CMSS1: variants seen among roughly 807,000 people sequenced by gnomAD.
CMSS1 encodes the protein protein CMSS1.
Under a neutral mutation model 43.5 loss-of-function variants are expected in CMSS1, and 33 were observed. That is an observed-to-expected ratio of 0.76 (90% CI 0.57 to 1.01). CMSS1 has a LOEUF of 1.01. Among genes scored for constraint, CMSS1 ranks in the 50% least tolerant of loss-of-function variants. CMSS1 has a pLI of 0.00. For synonymous variants in CMSS1, 115 were observed against 117.2 expected, an observed-to-expected ratio of 0.98 and a Z score of 0.12; for missense variants, 313 against 326.4, an observed-to-expected ratio of 0.96 and a Z score of 0.32.
intron 1 of CMSS1, among the ~76,000 whole-genome samples, chr3:100,141,045 T>G (rs1410502973): frequency 6.6e-6 from 1 of 152,210 alleles, no homozygotes; most frequent in Admixed American, 6.5e-5. Flanking sequence ...CTTACAGTTT[T>G]ATATTTTTTA....
In CMSS1 at chr3:100,178,355, C is replaced by T. The variant is rs2067165264; in HGVS notation, c.807C>T (p.Cys269=). 1 of 1,612,914 alleles carries T rather than the reference C, an allele frequency of 6.2e-7. No individual in the cohort carries two copies. Among genetic ancestry groups the T allele is most frequent in the South Asian group, 1.1e-5 (1 of 91,020 alleles). Residue 269 remains cysteine (C), a synonymous_variant, in exon 10 of 10, where the codon TGC becomes TGT. Transcript: ENST00000421999. ...ELLEMGVLSL[C]KSESLKLGLF is the part of the protein sequence containing the mutation. ...TGGAAATGGGAGTGCTCAGTCTGTG[C>T]AAGTCAGAATCCTTGAAACTGGGCC...
intron 1 of CMSS1, among the ~76,000 whole-genome samples, chr3:99,994,899 G>A (rs1041295005): frequency 6.6e-6 from 1 of 152,066 alleles, no homozygotes; most frequent in Non-Finnish European, 1.5e-5. Context: ...ATCTCCCACC[G>A]GGTCCCTCCC....
At chr3:99,930,593 G>A (rs906582509) in intron 1 of CMSS1, among the ~76,000 whole-genome samples, 1 of 152,072 alleles carries the variant, frequency 6.6e-6, no homozygotes, top group Non-Finnish European at 1.5e-5. Context: ...CCTTTAGATG[G>A]GATTAATTGC....
chr3:100,059,704 T>C (rs1237194123), intron 1 of CMSS1, among the ~76,000 whole-genome samples: 2 of 152,130 alleles, frequency 1.3e-5, no homozygotes, highest in African/African-American at 4.8e-5. Flanking sequence ...AAGTCAGTCA[T>C]TACACAACTC....
Position 100,029,914 on chromosome 3 carries a change from G to T in CMSS1, c.65-117059G>T, listed in dbSNP as rs989035517. Reference sequence around the variant, plus strand: ...TGGAAAGCTGAGATAAAGACCAAGAGATCTTGGAACGTTTAGAAGCAGCCC... The same window carrying T: ...TGGAAAGCTGAGATAAAGACCAAGATATCTTGGAACGTTTAGAAGCAGCCC... On this transcript the variant is annotated intron_variant, in intron 1 of 9. Transcript: ENST00000421999. Among the ~76,000 whole-genome samples the T allele has an allele frequency of 2.0e-5, 3 of 152,154 alleles. No homozygotes were observed. The East Asian group carries it at 5.8e-4, about 29-fold the overall frequency.
At chr3:100,061,081 T>A (rs1248527675) in intron 1 of CMSS1, among the ~76,000 whole-genome samples, 1 of 151,820 alleles carries the variant, frequency 6.6e-6, no homozygotes. Flanking sequence ...GGCCAATAGA[T>A]GTGCACATAG....
At chr3:100,043,449 A>G (rs753176322) in intron 1 of CMSS1, among the ~76,000 whole-genome samples, 6 of 152,004 alleles carry the variant, frequency 3.9e-5, no homozygotes, top group Non-Finnish European at 5.9e-5. Flanking sequence ...TCCCTCATCC[A>G]TACTCTCACT....
chr3:99,938,664 G>A (rs1389717378), intron 1 of CMSS1, among the ~76,000 whole-genome samples: 2 of 152,164 alleles, frequency 1.3e-5, no homozygotes, highest in African/African-American at 2.4e-5. Context: ...GTTCTCAGCA[G>A]AGCTGGTTGG....
At chr3:100,026,918 TAACCCATAAGACTCTCCG>T (rs559382618) in intron 1 of CMSS1, among the ~76,000 whole-genome samples, 84 of 152,178 alleles carry the variant, frequency 5.5e-4, no homozygotes, top group African/African-American at 1.9e-3. Context: ...ATCCTCCCAA[TAACCCATAAGACTCTCCG>T]ACCTCATCTC....
chr3:99,934,414 A>G (rs968217121), intron 1 of CMSS1, among the ~76,000 whole-genome samples: 5 of 152,180 alleles, frequency 3.3e-5, no homozygotes, highest in African/African-American at 7.2e-5. Flanking sequence ...CTGGAAGTAC[A>G]TAGGGTTTGG....
intron 7 of CMSS1, 164 bp from the exon 8 acceptor site, chr3:100,172,152 T>C: frequency 4.5e-6 from 3 of 662,296 alleles, no homozygotes; most frequent in Non-Finnish European, 7.7e-6. Flanking sequence ...AGATTACCAG[T>C]TTTCTAGGGA....
At chr3:99,880,217 T>G (rs528909706) in intron 1 of CMSS1, among the ~76,000 whole-genome samples, 1 of 152,278 alleles carries the variant, frequency 6.6e-6, no homozygotes, top group African/African-American at 2.4e-5. Context: ...CTAATCAACC[T>G]CATTTCTTCA....
intron 1 of CMSS1, among the ~76,000 whole-genome samples, chr3:100,004,068 T>C (rs1709919412): frequency 6.6e-6 from 1 of 152,164 alleles, no homozygotes; most frequent in African/African-American, 2.4e-5. Flanking sequence ...TTACCAAAAC[T>C]GGAGGCAAAA....
chr3:100,141,507 T>C (rs1250115790), intron 1 of CMSS1: 3 of 454,558 alleles, frequency 6.6e-6, no homozygotes, highest in African/African-American at 4.0e-5. Context: ...AAAGAACAAT[T>C]GACTGTATGA....
intron 8 of CMSS1, among the ~76,000 whole-genome samples, chr3:100,174,381 C>G (rs1445313254): frequency 2.0e-5 from 3 of 151,394 alleles, no homozygotes; most frequent in African/African-American, 7.3e-5. Flanking sequence ...CCCCATGCAA[C>G]AGGATTACTC....
chr3:99,931,000 A>G, intron 1 of CMSS1: 13 of 1,613,800 alleles, frequency 8.1e-6, no homozygotes, highest in Non-Finnish European at 1.1e-5. Flanking sequence ...AGCCCTCGGT[A>G]TCACTGCCTC....
chr3:99,958,778 G>A (rs1233404552), intron 1 of CMSS1, among the ~76,000 whole-genome samples: 2 of 152,280 alleles, frequency 1.3e-5, no homozygotes, highest in Non-Finnish European at 2.9e-5. Flanking sequence ...GGAGAGGCTG[G>A]TGATGTAGTG....
chr3:99,897,425 A>G (rs1488195545), intron 1 of CMSS1, among the ~76,000 whole-genome samples: 3 of 152,206 alleles, frequency 2.0e-5, no homozygotes, highest in Non-Finnish European at 4.4e-5. Flanking sequence ...AATACAGCTC[A>G]AAACAAAGCT....
intron 1 of CMSS1, among the ~76,000 whole-genome samples, chr3:100,023,788 G>A (rs1165174900): frequency 6.6e-6 from 1 of 152,134 alleles, no homozygotes; most frequent in Non-Finnish European, 1.5e-5. Context: ...TGCTCTGCAT[G>A]TCTTACTCTC....
Sources: allele counts gnomAD v4.1 joint callset (sites outside exome capture counted in the v4.1 genomes callset), GRCh38; gene constraint gnomAD v4.1.1; transcripts MANE v1.5; gene names NCBI Gene and HGNC (gene_info 2026-07-23, HGNC 2026-07-21).